CCSER1: variants seen among roughly 807,000 people sequenced by gnomAD.
CCSER1 encodes the protein serine-rich coiled-coil domain-containing protein 1.
In CCSER1, 41 loss-of-function variants were observed where a neutral mutation model predicts 82.0. That is an observed-to-expected ratio of 0.50 (90% CI 0.39 to 0.65). The LOEUF is 0.65. Ranked by LOEUF, CCSER1 falls within the 30% of genes least tolerant of loss-of-function variation. The pLI is 0.00. For synonymous variants in CCSER1, 414 were observed against 383.9 expected (o/e 1.08, Z -0.92); for missense variants, 1,119 against 1,064.2 (o/e 1.05, Z -0.72).
At chr4:91,567,950 T>C (rs1762975965) in intron 10 of CCSER1, among the ~76,000 whole-genome samples, 1 of 152,164 alleles carries the variant, frequency 6.6e-6, no homozygotes, top group Non-Finnish European at 1.5e-5. Flanking sequence ...GTGGTTGCTT[T>C]ACAGTGACAC....
chr4:91,093,750 A>G (rs34578055), intron 10 of CCSER1, among the ~76,000 whole-genome samples: 14,581 of 152,240 alleles, frequency 0.096, 942 homozygotes, highest in East Asian at 0.27. Flanking sequence ...GGTAGTCCTA[A>G]GGCTGGGGCT....
At chr4:90,992,348 AT>A (rs1376932560) in intron 9 of CCSER1, among the ~76,000 whole-genome samples, 3 of 152,104 alleles carry the variant, frequency 2.0e-5, no homozygotes, top group African/African-American at 7.2e-5. Context: ...CATACAAAAA[AT>A]ATTTAAAATT....
chr4:90,819,658 G>A (rs776636221), intron 8 of CCSER1, among the ~76,000 whole-genome samples: 20 of 152,092 alleles, frequency 1.3e-4, no homozygotes, highest in Admixed American at 6.6e-4. Context: ...CATTTCTAAT[G>A]TGAATGTATT....
intron 7 of CCSER1, among the ~76,000 whole-genome samples, chr4:90,756,031 A>G (rs1749467469): frequency 6.6e-6 from 1 of 152,156 alleles, no homozygotes; most frequent in Non-Finnish European, 1.5e-5. Context: ...GTTTGAGACC[A>G]GCCTGGTGAA....
At chr4:90,157,488 C>G (rs1480313200) in intron 1 of CCSER1, among the ~76,000 whole-genome samples, 1 of 152,206 alleles carries the variant, frequency 6.6e-6, no homozygotes, top group Non-Finnish European at 1.5e-5. Flanking sequence ...TGGTTCCATT[C>G]TCCCCGTCAC....
At chr4:90,616,471 A>T (rs1309850712) in intron 5 of CCSER1, among the ~76,000 whole-genome samples, 1 of 152,010 alleles carries the variant, frequency 6.6e-6, no homozygotes, top group Non-Finnish European at 1.5e-5. Context: ...ACTTGATGTC[A>T]GGGGAGTTCA....
At chr4:90,606,422 A>G (rs182549638) in intron 5 of CCSER1, among the ~76,000 whole-genome samples, 10 of 152,332 alleles carry the variant, frequency 6.6e-5, no homozygotes, top group South Asian at 2.1e-4. Flanking sequence ...CATTGTGCCA[A>G]GACATTAATG....
chr4:90,530,156 C>T (rs1774323867), intron 5 of CCSER1, among the ~76,000 whole-genome samples: 1 of 151,916 alleles, frequency 6.6e-6, no homozygotes, highest in Non-Finnish European at 1.5e-5. Flanking sequence ...CTGGAGATGC[C>T]AAGATGAATA....
At chr4:91,471,883 T>C (rs914817403) in intron 10 of CCSER1, among the ~76,000 whole-genome samples, 7 of 143,598 alleles carry the variant, frequency 4.9e-5, no homozygotes, top group African/African-American at 1.8e-4. Flanking sequence ...GGCAGGAGAA[T>C]GGCGTGAACC....
At chr4:91,297,121 G>A (rs1202567165) in intron 10 of CCSER1, among the ~76,000 whole-genome samples, 3 of 151,780 alleles carry the variant, frequency 2.0e-5, no homozygotes, top group East Asian at 2.0e-4. Context: ...TGGAAAGTAA[G>A]TTTTGGTTAG....
chr4:90,257,589 TTAGA>T (rs140472920), intron 1 of CCSER1, among the ~76,000 whole-genome samples: 28 of 149,302 alleles, frequency 1.9e-4, no homozygotes, highest in East Asian at 1.6e-3. Context: ...ACATAGATAC[TTAGA>T]TAGATAAAGA....
At chr4:90,301,025 G>T (rs1732995633) in intron 1 of CCSER1, among the ~76,000 whole-genome samples, 1 of 151,776 alleles carries the variant, frequency 6.6e-6, no homozygotes, top group African/African-American at 2.4e-5. Context: ...TAAGAGATGG[G>T]TTCTCCCTAT....
At chr4:90,845,128 C>T (rs1029236600) in intron 8 of CCSER1, among the ~76,000 whole-genome samples, 34 of 151,902 alleles carry the variant, frequency 2.2e-4, no homozygotes, top group African/African-American at 7.7e-4. Flanking sequence ...TCTGGGGGGC[C>T]GAGGCAGGCA....
chr4:90,428,343 G>A (rs1238035040), intron 4 of CCSER1, among the ~76,000 whole-genome samples: 1 of 151,758 alleles, frequency 6.6e-6, no homozygotes, highest in African/African-American at 2.4e-5. Flanking sequence ...CATACAGTTA[G>A]ACCTTGAACT....
intron 4 of CCSER1, among the ~76,000 whole-genome samples, chr4:90,467,929 AT>A (rs1431214780): frequency 6.6e-6 from 1 of 152,144 alleles, no homozygotes; most frequent in Non-Finnish European, 1.5e-5. Flanking sequence ...GCAAAGATTC[AT>A]TTAACTGTTT....
intron 5 of CCSER1, among the ~76,000 whole-genome samples, chr4:90,534,765 T>C (rs1262065231): frequency 6.6e-6 from 1 of 152,204 alleles, no homozygotes; most frequent in Non-Finnish European, 1.5e-5. Flanking sequence ...TTGTTATTAC[T>C]ATAGAGTATT....
intron 5 of CCSER1, among the ~76,000 whole-genome samples, chr4:90,505,114 A>G (rs1215368260): frequency 2.0e-5 from 3 of 152,242 alleles, no homozygotes; most frequent in Non-Finnish European, 4.4e-5. Flanking sequence ...AAAGACTACA[A>G]ACACGATAAT....
chr4:91,426,396 T>C (rs1753974623), intron 10 of CCSER1, among the ~76,000 whole-genome samples: 1 of 152,182 alleles, frequency 6.6e-6, no homozygotes, highest in South Asian at 2.1e-4. Flanking sequence ...CCTTTGAGTA[T>C]ACACCCAGCA....
intron 9 of CCSER1, among the ~76,000 whole-genome samples, chr4:91,048,696 C>A (rs1742734758): frequency 6.6e-6 from 1 of 152,090 alleles, no homozygotes; most frequent in Non-Finnish European, 1.5e-5. Context: ...CTTCCAGAAA[C>A]CCTACTCATG....
Sources: allele counts gnomAD v4.1 joint callset (sites outside exome capture counted in the v4.1 genomes callset), GRCh38; gene constraint gnomAD v4.1.1; transcripts MANE v1.5; gene names NCBI Gene and HGNC (gene_info 2026-07-23, HGNC 2026-07-21).